WDR49: variants seen among roughly 807,000 people sequenced by gnomAD.
The protein encoded by WDR49 is cilia- and flagella-associated protein 337.
WDR49 carries 107 observed loss-of-function variants against 119.5 expected under a neutral mutation model. The ratio of observed to expected loss-of-function variants is 0.90; its 90% CI spans 0.77 to 1.05. WDR49 has a LOEUF of 1.05. Ranked by LOEUF, WDR49 falls within the 50% of genes least tolerant of loss-of-function variation. WDR49 has a pLI of 0.00. For missense variants in WDR49, 1,240 were observed against 1,220.5 expected (o/e 1.02, Z -0.24); for synonymous variants, 425 against 418.8 (o/e 1.01, Z -0.18).
At chr3:167,547,293 A>G (rs1164278995) in intron 10 of WDR49, among the ~76,000 whole-genome samples, 1 of 152,028 alleles carries the variant, frequency 6.6e-6, no homozygotes, top group African/African-American at 2.4e-5. Flanking sequence ...ATCAAATTAT[A>G]TCAATAGCTA....
chr3:167,627,586 G>A (rs894945094), intron 2 of WDR49, among the ~76,000 whole-genome samples: 5 of 151,938 alleles, frequency 3.3e-5, no homozygotes, highest in Non-Finnish European at 7.4e-5. Flanking sequence ...ATGATGTGAG[G>A]CTGCGAGCCA....
At chr3:167,583,869 A>T (rs1020760996) in intron 7 of WDR49, among the ~76,000 whole-genome samples, 2 of 152,190 alleles carry the variant, frequency 1.3e-5, no homozygotes, top group Admixed American at 6.5e-5. Context: ...TCCTCAGAAT[A>T]ACTATATATT....
At chr3:167,598,690 C>G (rs1472865823) in intron 7 of WDR49, among the ~76,000 whole-genome samples, 2 of 152,198 alleles carry the variant, frequency 1.3e-5, no homozygotes, top group Non-Finnish European at 2.9e-5. Context: ...ATTATCCAGT[C>G]TCATAGTTCT....
At chr3:167,634,029 A>G (rs1349551435) in intron 2 of WDR49, among the ~76,000 whole-genome samples, 1 of 151,964 alleles carries the variant, frequency 6.6e-6, no homozygotes, top group Non-Finnish European at 1.5e-5. Flanking sequence ...TCTCATTTTC[A>G]TTTCCTTCAA....
intron 7 of WDR49, among the ~76,000 whole-genome samples, chr3:167,576,756 C>T (rs1714271482): frequency 6.6e-6 from 1 of 152,124 alleles, no homozygotes; most frequent in Non-Finnish European, 1.5e-5. Flanking sequence ...AAATTCCAAC[C>T]TACAGAACAC....
intron 10 of WDR49, among the ~76,000 whole-genome samples, chr3:167,538,368 C>T (rs1302407884): frequency 6.6e-6 from 1 of 152,124 alleles, no homozygotes; most frequent in Non-Finnish European, 1.5e-5. Flanking sequence ...GGGTGTCTTT[C>T]TCTTCCCCAG....
intron 17 of WDR49, 22 bp downstream of exon 17, chr3:167,505,285 A>T: frequency 1.4e-6 from 2 of 1,460,180 alleles, no homozygotes; most frequent in South Asian, 3.1e-5. Flanking sequence ...ATAAAAATAC[A>T]TTAACAACAG....
At chr3:167,550,850 A>T (rs1207547683) in intron 10 of WDR49, among the ~76,000 whole-genome samples, 1 of 151,074 alleles carries the variant, frequency 6.6e-6, no homozygotes, top group Non-Finnish European at 1.5e-5. Context: ...TAAAATCTTA[A>T]ATTCTTAATT....
intron 16 of WDR49, among the ~76,000 whole-genome samples, chr3:167,510,924 A>G (rs1419338779): frequency 6.8e-6 from 1 of 147,870 alleles, no homozygotes; most frequent in Admixed American, 7.0e-5. Flanking sequence ...ATTCTTTCAC[A>G]TTTTTATTTT....
intron 8 of WDR49, among the ~76,000 whole-genome samples, chr3:167,571,004 G>A (rs971957148): frequency 6.8e-6 from 1 of 146,376 alleles, no homozygotes; most frequent in Non-Finnish European, 1.5e-5. Context: ...TAGCTTGGGC[G>A]ACAGAGAGAG....
At chr3:167,542,824 A>C (rs762389076) in intron 10 of WDR49, among the ~76,000 whole-genome samples, 26 of 152,092 alleles carry the variant, frequency 1.7e-4, no homozygotes, top group Non-Finnish European at 3.2e-4. Flanking sequence ...ACAACAACAA[A>C]AAAAATGCAA....
chr3:167,573,837 T>G (rs1315223116), intron 8 of WDR49, among the ~76,000 whole-genome samples: 1 of 152,154 alleles, frequency 6.6e-6, no homozygotes, highest in Non-Finnish European at 1.5e-5. Flanking sequence ...TCCCACGATG[T>G]CTGCAAAGTA....
intron 10 of WDR49, among the ~76,000 whole-genome samples, chr3:167,552,085 T>C (rs1712607563): frequency 1.3e-5 from 2 of 152,030 alleles, no homozygotes; most frequent in African/African-American, 4.8e-5. Context: ...ACGGCTTGTA[T>C]GTGAACACCC....
chr3:167,549,080 T>G (rs1712387473), intron 10 of WDR49, among the ~76,000 whole-genome samples: 1 of 152,212 alleles, frequency 6.6e-6, no homozygotes, highest in African/African-American at 2.4e-5. Flanking sequence ...ATTTTCTTAA[T>G]CCAGTCTATC....
intron 16 of WDR49, among the ~76,000 whole-genome samples, chr3:167,511,340 T>C (rs1346741144): frequency 6.6e-6 from 1 of 152,230 alleles, no homozygotes; most frequent in Non-Finnish European, 1.5e-5. Flanking sequence ...CAAGTACTTT[T>C]TGATGCGTTA....
intron 2 of WDR49, among the ~76,000 whole-genome samples, chr3:167,627,763 A>T (rs2108327853): frequency 6.6e-6 from 1 of 152,212 alleles, no homozygotes; most frequent in Non-Finnish European, 1.5e-5. Flanking sequence ...GTTTTAAGTC[A>T]TGGTTTTTGG....
At chr3:167,603,467 C>T (rs2108307089) in intron 6 of WDR49, among the ~76,000 whole-genome samples, 1 of 152,214 alleles carries the variant, frequency 6.6e-6, no homozygotes, top group Admixed American at 6.5e-5. Flanking sequence ...GTATCTGTTA[C>T]TGTGATTGTC....
chr3:167,616,209 C>G (rs1716589510), intron 5 of WDR49, among the ~76,000 whole-genome samples: 1 of 152,092 alleles, frequency 6.6e-6, no homozygotes. Flanking sequence ...ACTGAAAGAT[C>G]TCAACAAAAG....
At chr3:167,632,994 T>C (rs1349932137) in intron 2 of WDR49, among the ~76,000 whole-genome samples, 1 of 152,054 alleles carries the variant, frequency 6.6e-6, no homozygotes, top group Non-Finnish European at 1.5e-5. Context: ...ACTCAATAAA[T>C]GTCAATGCTT....
Sources: gnomAD v4.1 joint callset for allele counts (sites outside exome capture counted in the v4.1 genomes callset) on GRCh38, gnomAD v4.1.1 for gene constraint, MANE v1.5 for transcripts, NCBI Gene and HGNC (gene_info 2026-07-23, HGNC 2026-07-21) for gene names.